NSD1: variants seen among roughly 807,000 people sequenced by gnomAD.
NSD1 encodes histone-lysine N-methyltransferase, H3 lysine-36 specific.
A neutral mutation model predicts 242.7 loss-of-function variants in NSD1; 26 were observed. The ratio of observed to expected loss-of-function variants is 0.11; its 90% CI spans 0.08 to 0.15. NSD1 has a LOEUF of 0.15. Ranked by LOEUF, NSD1 falls within the 10% of genes least tolerant of loss-of-function variation. NSD1 has a pLI of 1.00. For missense variants in NSD1, 2,495 were observed against 3,272.8 expected, an observed-to-expected ratio of 0.76 and a Z score of 5.80; for synonymous variants, 1,106 against 1,178.1, an observed-to-expected ratio of 0.94 and a Z score of 1.25.
At chr5:177,263,520 C>T (rs962805979) in intron 14 of NSD1, among the ~76,000 whole-genome samples, 1 of 152,166 alleles carries the variant, frequency 6.6e-6, no homozygotes, top group African/African-American at 2.4e-5. Flanking sequence ...AAAAGCATGG[C>T]AGTTTCACCT....
In NSD1 at chr5:177,294,949, G is replaced by A. The variant is rs2127283647; in HGVS notation, c.7581G>A (p.Trp2527Ter). The change falls in exon 23 of 23, where the codon TGG (tryptophan) becomes TGA (stop). Residue 2527 changes from tryptophan (W) to a stop codon, truncating the protein, a stop_gained. Transcript: ENST00000439151. LOFTEE classifies it high-confidence loss of function. Reference protein sequence around the residue: ...GKAAAPSEDPWQAVKSLTQAR... With the variant: ...GKAAAPSEDP ...CAGCAGCCCCTTCAGAGGACCCCTG[G>A]CAAGCTGTTAAATCACTCACCCAGG... 2 of 1,614,200 alleles carry A rather than the reference G, an allele frequency of 1.2e-6. No homozygotes were observed. Among genetic ancestry groups the A allele is most frequent in the Non-Finnish European group, 1.7e-6 (2 of 1,180,038 alleles).
At chr5:177,207,724 G>A (rs1055407088) in intron 4 of NSD1, among the ~76,000 whole-genome samples, 7 of 140,486 alleles carry the variant, frequency 5.0e-5, no homozygotes, top group Non-Finnish European at 9.1e-5. Context: ...GCCACTCCAC[G>A]CAGCCTTTTA....
chr5:177,160,776 G>A (rs1758685683), intron 2 of NSD1, among the ~76,000 whole-genome samples: 1 of 152,158 alleles, frequency 6.6e-6, no homozygotes, highest in South Asian at 2.1e-4. Context: ...TAAGATAGGA[G>A]TATCATTGTA....
chr5:177,257,973 C>CT (rs35034666), intron 13 of NSD1, among the ~76,000 whole-genome samples: 26,213 of 52,326 alleles, frequency 0.5, 6,665 homozygotes, highest in Non-Finnish European at 0.54. Flanking sequence ...CCCCCTGGGC[C>CT]TTTTTTTTTT....
intron 11 of NSD1, among the ~76,000 whole-genome samples, chr5:177,249,643 T>C (rs147296833): frequency 6.6e-6 from 1 of 152,186 alleles, no homozygotes; most frequent in African/African-American, 2.4e-5. Context: ...CCCGCCACCA[T>C]GTCCAGCTAA....
intron 5 of NSD1, among the ~76,000 whole-genome samples, chr5:177,214,511 A>G (rs1047576693): frequency 6.6e-6 from 1 of 152,118 alleles, no homozygotes; most frequent in African/African-American, 2.4e-5. Flanking sequence ...ATCCATGACA[A>G]CTAACATTCT....
chr5:177,135,835 G>A lies in NSD1; in HGVS notation c.732G>A (p.Val244=), dbSNP rs766645681. 2 of 1,606,118 alleles carry A rather than the reference G, an allele frequency of 1.2e-6. No individual in the cohort carries two copies. The highest frequency in any genetic ancestry group is 1.7e-6 in the Non-Finnish European group (2 of 1,174,362). ...ETQKNKQRNE[V]DGSNEKAALL... is the part of the protein sequence containing the mutation. The stretch of plus-strand genomic sequence containing the variant: ...AGAAAAATAAGCAAAGAAATGAAGT[G>A]GACGGCAGCAATGAAAAAGCAGCCC... Residue 244 remains valine, a synonymous_variant, in exon 2 of 23, where the codon GTG becomes GTA. Transcript: ENST00000439151.
chr5:177,242,517 A>T (rs1765957806), intron 8 of NSD1, among the ~76,000 whole-genome samples: 1 of 150,150 alleles, frequency 6.7e-6, no homozygotes, highest in Admixed American at 6.7e-5. Context: ...GGCCTTTATT[A>T]TTTATTTATT....
chr5:177,150,585 AGTGACCTT>A (rs1357459712), intron 2 of NSD1, among the ~76,000 whole-genome samples: 1 of 152,310 alleles, frequency 6.6e-6, no homozygotes, highest in South Asian at 2.1e-4. Context: ...TCACATTGCT[AGTGACCTT>A]ATATAAAATA....
intron 17 of NSD1, among the ~76,000 whole-genome samples, chr5:177,275,474 C>A (rs1192709708): frequency 8.3e-6 from 1 of 120,220 alleles, no homozygotes; most frequent in Non-Finnish European, 1.6e-5. Context: ...GATGGAGTCG[C>A]CCAGGATGGA....
intron 3 of NSD1, among the ~76,000 whole-genome samples, chr5:177,201,232 CAG>C (rs748095340): frequency 2.2e-4 from 33 of 151,508 alleles, no homozygotes; most frequent in Non-Finnish European, 4.1e-4. Flanking sequence ...TTTTTTGAGA[CAG>C]AGTCTTGCTC....
At chr5:177,248,372 A>C in intron 11 of NSD1, 48 bp downstream of exon 11, 1 of 1,591,318 alleles carries the variant, frequency 6.3e-7, no homozygotes. Context: ...GTTCATCTTT[A>C]AAGGGAAACC....
At chr5:177,154,915 C>T (rs377475790) in intron 2 of NSD1, among the ~76,000 whole-genome samples, 6 of 151,762 alleles carry the variant, frequency 4.0e-5, no homozygotes, top group Non-Finnish European at 5.9e-5. Context: ...AGGCTGGTCT[C>T]GAACTCCTGA....
rs554560078 is a variant in NSD1, at chr5:177,166,770, G to C, written c.928-25114G>C. On this transcript the variant is annotated intron_variant, in intron 2 of 22. Transcript: ENST00000439151. Reference sequence around the variant, plus strand: ...TTTTTTTTTTTTTTTTCCCTGAGATGGAGTCTCGTTCTGTCGCCCAGGCTG... The same window carrying C: ...TTTTTTTTTTTTTTTTCCCTGAGATCGAGTCTCGTTCTGTCGCCCAGGCTG... 7.6e-5 allele frequency among the ~76,000 whole-genome samples: 11 copies of C among 144,366 alleles called. 1 individual carries two copies. In the South Asian group the frequency reaches 2.2e-3, roughly 29 times the overall value. 94.7% of individuals were successfully genotyped at this position (144,366 alleles called of 152,430 possible). A position where few individuals can be genotyped will look rare whatever the true frequency, so the allele number is the denominator to read the frequency against.
At chr5:177,254,281 A>G (rs938967586) in intron 12 of NSD1, among the ~76,000 whole-genome samples, 7 of 152,096 alleles carry the variant, frequency 4.6e-5, no homozygotes, top group African/African-American at 1.4e-4. Context: ...TATTTGTAAG[A>G]CTAATAGTTC....
intron 7 of NSD1, among the ~76,000 whole-genome samples, chr5:177,239,465 C>G (rs908898235): frequency 6.6e-6 from 1 of 152,216 alleles, no homozygotes; most frequent in Admixed American, 6.5e-5. Flanking sequence ...CACCAACAAT[C>G]AGTTGTTATA....
At chr5:177,221,435 TAAC>T (rs1764226006) in intron 5 of NSD1, among the ~76,000 whole-genome samples, 1 of 152,128 alleles carries the variant, frequency 6.6e-6, no homozygotes, top group Admixed American at 6.6e-5. Context: ...TTTAAGCTGT[TAAC>T]AACTTAAGTT....
chr5:177,231,497 G>A (rs962783524), intron 5 of NSD1, among the ~76,000 whole-genome samples: 4 of 151,842 alleles, frequency 2.6e-5, no homozygotes, highest in Non-Finnish European at 4.4e-5. Context: ...GCACGATCTC[G>A]ACTCACTACA....
At chr5:177,267,989 A>C (rs1192189803) in intron 15 of NSD1, among the ~76,000 whole-genome samples, 1 of 150,220 alleles carries the variant, frequency 6.7e-6, no homozygotes, top group Non-Finnish European at 1.5e-5. Flanking sequence ...AGACAGTAAT[A>C]ATCTCACAAG....
Sources: allele counts gnomAD v4.1 joint callset (sites outside exome capture counted in the v4.1 genomes callset), GRCh38; gene constraint gnomAD v4.1.1; transcripts MANE v1.5; gene names NCBI Gene and HGNC (gene_info 2026-07-23, HGNC 2026-07-21).